Variants in FBXO27 observed in about 807,000 individuals in gnomAD.
FBXO27 encodes F-box protein 27.
In FBXO27, 28 loss-of-function variants were observed where a neutral mutation model predicts 28.3. The ratio of observed to expected loss-of-function variants is 0.99; its 90% CI spans 0.73 to 1.36. FBXO27 has a LOEUF of 1.36. Ranked by LOEUF, FBXO27 falls within the 40% of genes most tolerant of loss-of-function variation. The probability of loss-of-function intolerance (pLI) is 0.00; values close to 1 mark genes in which losing one functional copy is unlikely to be tolerated. For missense variants in FBXO27, 388 were observed against 394.1 expected (o/e 0.98, Z 0.13); for synonymous variants, 175 against 167.3 (o/e 1.05, Z -0.36).
chr19:39,006,782 C>T (rs889222689), intron 2 of FBXO27, among the ~76,000 whole-genome samples: 7 of 151,750 alleles, frequency 4.6e-5, no homozygotes, highest in Non-Finnish European at 8.8e-5. Context: ...AACACACACA[C>T]GAAATATAAT....
At position 39,032,073 on chromosome 19, in the gene FBXO27, T is replaced by G. The variant is rs2072908861; in HGVS notation, c.155A>C (p.Gln52Pro). 1 of 1,532,370 alleles carries G rather than the reference T, an allele frequency of 6.5e-7. No individual in the cohort carries two copies. 94.9% of individuals were successfully genotyped at this position (1,532,370 alleles called of 1,614,324 possible). Residue 52 changes from glutamine to proline, a missense_variant, in exon 2 of 6, where the codon CAA becomes CCA. Transcript: ENST00000292853. The surrounding 1 kb of genome is among the most constrained non-coding windows in gnomAD (Gnocchi z 4.7). ...PPRTLLGRCR[Q>P]VCRGWRALVD... ...CAGGGCTCGCCAGCCCCGGCACACTTGGCGGCAGCGCCCGAGCAGCGTGCG... is the reference window on the plus strand; with the variant it reads ...CAGGGCTCGCCAGCCCCGGCACACTGGGCGGCAGCGCCCGAGCAGCGTGCG...
rs2072874871 is a variant in FBXO27 at position 39,026,793 on chromosome 19, C to T, written c.708+77G>A. The T allele has an allele frequency of 8.2e-6, 13 of 1,592,360 alleles. No homozygotes were observed. In the Admixed American group the frequency reaches 1.4e-4, roughly 17 times the overall value. The stretch of plus-strand genomic sequence containing the variant: ...AGCCAGACTGTCACTGATTTTAAGC[C>T]ACTAAGTTTTGGGGTGATTTATTTT... On this transcript the variant is annotated intron_variant, in intron 5 of 5. Transcript: ENST00000292853.
chr19:39,020,411 C>A (rs896758144), downstream of FBXO27, among the ~76,000 whole-genome samples: 1 of 152,010 alleles, frequency 6.6e-6, no homozygotes, highest in Non-Finnish European at 1.5e-5. Flanking sequence ...AAGAACCCCA[C>A]GAATGCAACA....
downstream of FBXO27, among the ~76,000 whole-genome samples, chr19:39,019,045 G>C (rs913866944): frequency 6.9e-6 from 1 of 145,178 alleles, no homozygotes; most frequent in Non-Finnish European, 1.5e-5. Context: ...CTCTAGCCTG[G>C]GTGACAGAGC....
chr19:39,025,387 T>C lies in FBXO27; in HGVS notation c.*24A>G, dbSNP rs755451270. On this transcript the variant is annotated 3_prime_UTR_variant, in exon 6 of 6. Coordinates refer to ENST00000292853, the MANE Select transcript of FBXO27 (RefSeq NM_178820.5). ...GGCCCTGGAAGGCACAGTCAGGCTG[T>C]CTTGCAAGAAGGGTAGTGCTGGACT... 4 of 1,604,318 alleles carry C rather than the reference T, an allele frequency of 2.5e-6. No homozygotes were observed. Among genetic ancestry groups the C allele is most frequent in the Non-Finnish European group, 3.4e-6 (4 of 1,173,992 alleles).
Position 39,032,063 on chromosome 19 carries a change from C to G in FBXO27, c.165G>C (p.Arg55=), listed in dbSNP as rs2072908748. The change falls in exon 2 of 6, where the codon CGG becomes CGC. Residue 55 remains arginine (R), a synonymous_variant. Coordinates refer to ENST00000292853, the MANE Select transcript of FBXO27 (RefSeq NM_178820.5). This position sits in a 1 kb window ranked among gnomAD's most constrained non-coding sequence, Gnocchi z 4.7. Reference sequence around the variant, plus strand: ...GGCCGTCCACCAGGGCTCGCCAGCCCCGGCACACTTGGCGGCAGCGCCCGA... The same window carrying G: ...GGCCGTCCACCAGGGCTCGCCAGCCGCGGCACACTTGGCGGCAGCGCCCGA... ...TLLGRCRQVC[R]GWRALVDGQA... is the part of the protein sequence containing the mutation. 6 of 1,532,206 alleles carry G rather than the reference C, an allele frequency of 3.9e-6. No individual in the cohort carries two copies. Among genetic ancestry groups the G allele is most frequent in the Non-Finnish European group, 5.2e-6 (6 of 1,145,352 alleles). 94.9% of individuals were successfully genotyped at this position (1,532,206 alleles called of 1,614,324 possible). A position where few individuals can be genotyped will look rare whatever the true frequency, so the allele number is the denominator to read the frequency against.
downstream of FBXO27, among the ~76,000 whole-genome samples, chr19:39,022,258 T>A (rs1212332972): frequency 6.9e-6 from 1 of 145,712 alleles, no homozygotes; most frequent in Non-Finnish European, 1.5e-5. Context: ...CCTCAGCCTG[T>A]CAAGTAGCTG....
downstream of FBXO27, among the ~76,000 whole-genome samples, chr19:39,022,429 C>T (rs1344573729): frequency 6.6e-6 from 1 of 152,046 alleles, no homozygotes; most frequent in Non-Finnish European, 1.5e-5. Context: ...GCGTGAGCCA[C>T]CACATCCAGT....
intron 2 of FBXO27, among the ~76,000 whole-genome samples, chr19:39,013,843 C>G (rs934584443): frequency 1.3e-5 from 2 of 151,904 alleles, no homozygotes; most frequent in East Asian, 3.9e-4. Context: ...GAAACCCCGT[C>G]TCTACTAAAA....
Position 39,027,012 on chromosome 19 carries a change from G to A in FBXO27, c.573-7C>T. ...GTCGTGTCGGGCTCCCCACCTGTGGGAGGAAGGAGCCATGAAGGCTGGACC... is the reference window on the plus strand; with the variant it reads ...GTCGTGTCGGGCTCCCCACCTGTGGAAGGAAGGAGCCATGAAGGCTGGACC... On this transcript the variant is annotated splice_polypyrimidine_tract_variant and splice_region_variant and intron_variant, in intron 4 of 5. Coordinates refer to ENST00000292853, the MANE Select transcript of FBXO27 (RefSeq NM_178820.5). The A allele has an allele frequency of 6.2e-7, 1 of 1,614,094 alleles. No individual in the cohort carries two copies.
chr19:39,015,476 T>G (rs1393377117), intron 1 of FBXO27, among the ~76,000 whole-genome samples: 1 of 147,380 alleles, frequency 6.8e-6, no homozygotes, highest in Non-Finnish European at 1.5e-5. Context: ...AAAAAAAAAG[T>G]ATTAGCCAGG....
intron 4 of FBXO27, among the ~76,000 whole-genome samples, chr19:39,028,051 G>T (rs920979801): frequency 6.6e-6 from 1 of 151,788 alleles, no homozygotes; most frequent in African/African-American, 2.4e-5. Context: ...GACCAGCCTG[G>T]CCAACATGGT....
intron 2 of FBXO27, among the ~76,000 whole-genome samples, chr19:39,007,217 C>T (rs546581380): frequency 8.6e-4 from 131 of 152,270 alleles, no homozygotes; most frequent in African/African-American, 2.7e-3. Flanking sequence ...CCTGGGCCTC[C>T]AGCCCTAAAG....
intron 5 of FBXO27, among the ~76,000 whole-genome samples, chr19:39,026,164 T>G (rs1038988478): frequency 6.6e-6 from 1 of 152,194 alleles, no homozygotes. Flanking sequence ...CAGCTTCTAC[T>G]GTTTCTCTGG....
In FBXO27 at chr19:39,025,544, ACGT is replaced by A; in HGVS notation, c.716_718del (p.His239_Val240delinsLeu). 1.2e-6 allele frequency: 2 copies of A among 1,613,728 alleles called. No homozygotes were observed. Among genetic ancestry groups the A allele is most frequent in the Non-Finnish European group, 1.7e-6 (2 of 1,179,788 alleles). On this transcript the variant is annotated inframe_deletion, in exon 6 of 6. Coordinates refer to ENST00000292853, the MANE Select transcript of FBXO27 (RefSeq NM_178820.5). ...GACGCCCATCTTGATGTTGGAGAAC[ACGT>A]GGGTGACCTGTAGGCAGAGGAGGGG...
At chr19:39,011,697 GGA>G (rs759368800) in intron 2 of FBXO27, among the ~76,000 whole-genome samples, 1,286 of 10,616 alleles carry the variant, frequency 0.12, 29 homozygotes, top group African/African-American at 0.21. Context: ...TGGCGGCGGG[GGA>G]GGGGGGGTCT....
intron 2 of FBXO27, among the ~76,000 whole-genome samples, chr19:39,008,949 T>C (rs998846256): frequency 5.9e-5 from 9 of 152,268 alleles, no homozygotes; most frequent in Non-Finnish European, 1.0e-4. Context: ...GCCTCCTGAG[T>C]AGCTGGGATT....
downstream of FBXO27, among the ~76,000 whole-genome samples, chr19:39,022,565 T>C (rs935679810): frequency 3.9e-5 from 6 of 151,976 alleles, no homozygotes; most frequent in Non-Finnish European, 8.8e-5. Flanking sequence ...TCCCACCTCA[T>C]GCTCCTGAGT....
Position 39,025,283 on chromosome 19 carries a change from T to C in FBXO27, c.*128A>G, listed in dbSNP as rs768259854. 14 of 1,319,474 alleles carry C rather than the reference T, an allele frequency of 1.1e-5. No homozygotes were observed. The highest frequency in any genetic ancestry group is 1.3e-5 in the Non-Finnish European group (13 of 965,850). The allele number at this position is 1,319,474 out of a possible 1,614,324, so 81.7% of individuals were successfully genotyped here. On this transcript the variant is annotated 3_prime_UTR_variant, in exon 6 of 6. Transcript: ENST00000292853. ...AGACAGGGCCCGTCAGGGCCTTTGA[T>C]TGGACCCAGGAATTCTCAGTATGCC...
Sources: gnomAD v4.1 joint callset for allele counts (sites outside exome capture counted in the v4.1 genomes callset) on GRCh38, gnomAD v4.1.1 for gene constraint, Gnocchi (gnomAD v3.1) non-coding constraint, MANE v1.5 for transcripts, NCBI Gene and HGNC (gene_info 2026-07-23, HGNC 2026-07-21) for gene names.